VPS35L: variants seen among roughly 807,000 people sequenced by gnomAD.
VPS35L encodes VPS35 endosomal protein-sorting factor-like.
A neutral mutation model predicts 133.0 loss-of-function variants in VPS35L; 83 were observed. That is an observed-to-expected ratio of 0.62 (90% CI 0.52 to 0.75). The LOEUF is 0.75. Ranked by LOEUF, VPS35L falls within the 30% of genes least tolerant of loss-of-function variation. The pLI, the probability that VPS35L is intolerant of heterozygous loss-of-function variation, is 0.00. For missense variants in VPS35L, 1,083 were observed against 1,206.8 expected, an observed-to-expected ratio of 0.90 and a Z score of 1.52; for synonymous variants, 423 against 449.9, an observed-to-expected ratio of 0.94 and a Z score of 0.76.
In VPS35L at chr16:19,699,491, T is replaced by G. The variant is rs757296897; in HGVS notation, c.2647-11T>G. Reference sequence around the variant, plus strand: ...CCAGTGCAAGGCAGTAACCTCCCTTTTCTGTTTCAGGCCCTGAAGCGCCAG... The same window carrying G: ...CCAGTGCAAGGCAGTAACCTCCCTTGTCTGTTTCAGGCCCTGAAGCGCCAG... On this transcript the variant is annotated splice_polypyrimidine_tract_variant and intron_variant, in intron 29 of 30. Transcript: ENST00000417362. This position sits in a 1 kb window ranked among gnomAD's most constrained non-coding sequence, Gnocchi z 4.2. 1 of 1,613,862 alleles carries G rather than the reference T, an allele frequency of 6.2e-7. No homozygotes were observed. The highest frequency in any genetic ancestry group is 1.1e-5 in the South Asian group (1 of 91,062).
At chr16:19,597,079 G>A (rs989568392) in intron 8 of VPS35L, among the ~76,000 whole-genome samples, 10 of 151,124 alleles carry the variant, frequency 6.6e-5, no homozygotes, top group Non-Finnish European at 1.5e-4. Context: ...GGAAGGAAAG[G>A]GCTGGGCATG....
chr16:19,581,673 C>T lies in VPS35L; in HGVS notation c.639+20C>T. On this transcript the variant is annotated intron_variant, in intron 7 of 30. Coordinates refer to ENST00000417362, the MANE Select transcript of VPS35L (RefSeq NM_020314.7). ...ATCCAGGTTAGCTCTAGTGATCCCC[C>T]ACCCCCACCCAGAATTTCCTATGTA... The T allele has an allele frequency of 1.2e-6, 2 of 1,605,632 alleles. No individual in the cohort carries two copies. Among genetic ancestry groups the T allele is most frequent in the Admixed American group, 1.7e-5 (1 of 59,562 alleles).
chr16:19,675,192 C>T (rs1027590190), intron 27 of VPS35L, among the ~76,000 whole-genome samples: 6 of 151,920 alleles, frequency 3.9e-5, no homozygotes, highest in African/African-American at 1.5e-4. Context: ...CTCAAGTGCT[C>T]CTCCAGCCTT....
chr16:19,560,313 C>T lies in VPS35L; in HGVS notation c.18-4538C>T, dbSNP rs184723368. ...ACAGTAAGTGCATAATAAATGAGAA[C>T]AGTCATTTGATTGTTGCATATGAAG... On this transcript the variant is annotated intron_variant, in intron 1 of 30. Coordinates refer to ENST00000417362, the MANE Select transcript of VPS35L (RefSeq NM_020314.7). Among the ~76,000 whole-genome samples, 4 of 152,244 alleles carry T rather than the reference C, an allele frequency of 2.6e-5. No homozygotes were observed. The East Asian group carries it at 5.8e-4, about 22-fold the overall frequency.
intron 18 of VPS35L, 91 bp downstream of exon 18, chr16:19,629,911 G>C: frequency 8.4e-7 from 1 of 1,193,852 alleles, no homozygotes; most frequent in Non-Finnish European, 1.2e-6. Context: ...TGAGGCATTT[G>C]ACAACGGTAC....
intron 29 of VPS35L, among the ~76,000 whole-genome samples, chr16:19,696,106 G>A (rs1008264021): frequency 1.3e-5 from 2 of 152,024 alleles, no homozygotes; most frequent in South Asian, 2.1e-4. Flanking sequence ...GGATGGTCTC[G>A]ATCTCCTGAC....
intron 1 of VPS35L, among the ~76,000 whole-genome samples, chr16:19,556,246 G>A (rs149326322): frequency 3.0e-4 from 46 of 152,320 alleles, no homozygotes; most frequent in Non-Finnish European, 4.4e-4. Flanking sequence ...GCCTCAAGGA[G>A]CTGACAGTAT....
rs549708790 is a variant in VPS35L, at chr16:19,625,112, A to G, written c.1225-1065A>G. Among the ~76,000 whole-genome samples, 6 of 151,382 alleles carry G rather than the reference A, an allele frequency of 4.0e-5. 1 individual carries two copies. The highest frequency in any genetic ancestry group is 2.6e-4 in the Admixed American group (4 of 15,222). ...TCTGCTTCCTTTGGCGGAGGCGGGG[A>G]AAATAGACTTCAAACTGTGTTGGAG... is the stretch of plus-strand genomic sequence containing the variant. On this transcript the variant is annotated intron_variant, in intron 14 of 30. Coordinates refer to ENST00000417362, the MANE Select transcript of VPS35L (RefSeq NM_020314.7).
chr16:19,579,140 A>G lies in VPS35L; in HGVS notation c.510+12A>G, dbSNP rs990565837. 6.2e-7 allele frequency: 1 copy of G among 1,612,486 alleles called. No individual in the cohort carries two copies. Among genetic ancestry groups the G allele is most frequent in the Non-Finnish European group, 8.5e-7 (1 of 1,179,098 alleles). ...ATGACTTTGAGGAGGTGAGCAAGTCATTTGTGGAATACAGGGAGTGGGAGA... is the reference window on the plus strand; with the variant it reads ...ATGACTTTGAGGAGGTGAGCAAGTCGTTTGTGGAATACAGGGAGTGGGAGA... On this transcript the variant is annotated intron_variant, in intron 6 of 30. Coordinates refer to ENST00000417362, the MANE Select transcript of VPS35L (RefSeq NM_020314.7).
intron 18 of VPS35L, among the ~76,000 whole-genome samples, chr16:19,630,814 G>A (rs981896290): frequency 1.1e-4 from 17 of 151,872 alleles, no homozygotes; most frequent in Admixed American, 2.0e-4. Flanking sequence ...CCACCAGCCT[G>A]GCCAACGTGG....
chr16:19,620,916 A>C (rs1973058383), intron 14 of VPS35L, among the ~76,000 whole-genome samples: 1 of 152,146 alleles, frequency 6.6e-6, no homozygotes, highest in Admixed American at 6.6e-5. Context: ...ACACCAGTGC[A>C]CTCCAGCCTG....
At chr16:19,656,694 A>G (rs1225585274) in intron 26 of VPS35L, among the ~76,000 whole-genome samples, 3 of 152,070 alleles carry the variant, frequency 2.0e-5, no homozygotes, top group Non-Finnish European at 4.4e-5. Flanking sequence ...GTAGCTGCTT[A>G]GTAAGTATTA....
chr16:19,686,188 G>A (rs1462626673), intron 28 of VPS35L, among the ~76,000 whole-genome samples: 3 of 152,172 alleles, frequency 2.0e-5, no homozygotes, highest in Admixed American at 6.6e-5. Context: ...TGCAGGTTGT[G>A]GGGGCTCCTT....
intron 3 of VPS35L, among the ~76,000 whole-genome samples, chr16:19,570,130 G>T (rs1971316499): frequency 6.6e-6 from 1 of 151,954 alleles, no homozygotes; most frequent in Non-Finnish European, 1.5e-5. Flanking sequence ...GAGTGCAGTG[G>T]TGCAATCTCA....
At chr16:19,660,872 A>G (rs1390657464) in intron 26 of VPS35L, among the ~76,000 whole-genome samples, 5 of 152,214 alleles carry the variant, frequency 3.3e-5, no homozygotes, top group African/African-American at 1.2e-4. Flanking sequence ...ACTCTTAAAA[A>G]GTAAAAAGCC....
intron 3 of VPS35L, among the ~76,000 whole-genome samples, chr16:19,570,883 A>ATTTTTT (rs1366924758): frequency 7.4e-5 from 5 of 67,784 alleles, no homozygotes; most frequent in African/African-American, 3.6e-4. Context: ...ATATATATAT[A>ATTTTTT]TATATATTTT....
Position 19,555,739 on chromosome 16 carries a change from T to C in VPS35L, c.10T>C (p.Phe4Leu), listed in dbSNP as rs1211718914. ...TCATGTGACTGGGAAGATGGCCGTC[T>C]TTCCTTGGTAAGGAAGCAGCGGCGG... MAV[F>L]PWHSRNRNYK... Residue 4 changes from phenylalanine to leucine, a missense_variant, in exon 1 of 31, where the codon TTT (phenylalanine) becomes CTT (leucine). Coordinates refer to ENST00000417362, the MANE Select transcript of VPS35L (RefSeq NM_020314.7). 1 of 1,585,284 alleles carries C rather than the reference T, an allele frequency of 6.3e-7. No homozygotes were observed. Among genetic ancestry groups the C allele is most frequent in the East Asian group, 2.2e-5 (1 of 44,680 alleles).
intron 1 of VPS35L, 29 bp downstream of exon 1, chr16:19,555,775 G>A: frequency 6.4e-7 from 1 of 1,561,210 alleles, no homozygotes; most frequent in Non-Finnish European, 8.7e-7. Flanking sequence ...GTGGGCTTTG[G>A]AGAGGGGCTG....
rs149076658 is a variant in VPS35L at position 19,630,157 on chromosome 16, A to C, written c.1554+337A>C. 5.4e-3 allele frequency among the ~76,000 whole-genome samples: 820 copies of C among 152,126 alleles called. 6 individuals carry two copies. Among genetic ancestry groups the C allele is most frequent in the African/African-American group, 0.019 (775 of 41,516 alleles). ...TAAGCAGCATTTCCCAAACAATTTG[A>C]CTGGCATGTAATTTTTTTCCTAAGC... On this transcript the variant is annotated intron_variant, in intron 18 of 30. Transcript: ENST00000417362.
Sources: allele counts gnomAD v4.1 joint callset (sites outside exome capture counted in the v4.1 genomes callset), GRCh38; gene constraint gnomAD v4.1.1; non-coding constraint Gnocchi (gnomAD v3.1); transcripts MANE v1.5; gene names NCBI Gene and HGNC (gene_info 2026-07-23, HGNC 2026-07-21).